The following KCNH1 variants were observed in gnomAD, a reference collection of about 807,000 sequenced individuals.
The protein encoded by KCNH1 is potassium voltage-gated channel subfamily H member 1.
In KCNH1, 27 loss-of-function variants were observed where a neutral mutation model predicts 69.2. The observed-to-expected ratio is 0.39, with a 90% confidence interval of 0.29 to 0.54. The LOEUF is 0.54. KCNH1 is among the 20% of genes least tolerant of loss of function. KCNH1 has a pLI of 0.68. For missense variants in KCNH1, 798 were observed against 1,261.6 expected, an observed-to-expected ratio of 0.63 and a Z score of 5.57; for synonymous variants, 456 against 487.7, an observed-to-expected ratio of 0.93 and a Z score of 0.86.
intron 10 of KCNH1, among the ~76,000 whole-genome samples, chr1:210,708,478 T>C (rs1403692701): frequency 6.6e-6 from 1 of 152,028 alleles, no homozygotes; most frequent in Non-Finnish European, 1.5e-5. Context: ...AAACATTAGA[T>C]CTTATATTTA....
intron 7 of KCNH1, among the ~76,000 whole-genome samples, chr1:210,896,118 T>C (rs1005329273): frequency 6.6e-6 from 1 of 152,194 alleles, no homozygotes; most frequent in African/African-American, 2.4e-5. Flanking sequence ...CTCCCCATTC[T>C]TGGATGTTAG....
intron 10 of KCNH1, among the ~76,000 whole-genome samples, chr1:210,693,916 G>A (rs1002220541): frequency 2.6e-5 from 4 of 152,196 alleles, no homozygotes; most frequent in East Asian, 3.9e-4. Flanking sequence ...CCAGATGGAA[G>A]CATGTGCAAA....
chr1:211,049,483 G>A (rs1690154203), intron 5 of KCNH1, among the ~76,000 whole-genome samples: 1 of 152,140 alleles, frequency 6.6e-6, no homozygotes, highest in East Asian at 1.9e-4. Flanking sequence ...GGGGTTTTTT[G>A]GTTTGTTGTT....
intron 6 of KCNH1, among the ~76,000 whole-genome samples, chr1:210,991,632 C>T (rs973938385): frequency 1.4e-5 from 2 of 144,906 alleles, no homozygotes; most frequent in East Asian, 2.0e-4. Flanking sequence ...CACACACACA[C>T]ATAACACATA....
intron 6 of KCNH1, among the ~76,000 whole-genome samples, chr1:211,004,577 AAAGAG>A (rs1295556065): frequency 6.6e-6 from 1 of 152,138 alleles, no homozygotes; most frequent in East Asian, 1.9e-4. Context: ...AAAGAAGATA[AAAGAG>A]GAGAGGAGAA....
At chr1:210,755,526 T>A (rs900527771) in intron 10 of KCNH1, among the ~76,000 whole-genome samples, 1 of 152,232 alleles carries the variant, frequency 6.6e-6, no homozygotes, top group East Asian at 1.9e-4. Flanking sequence ...GCAGAAGGAC[T>A]GGGAAAACTG....
chr1:211,123,163 T>C (rs1415740981), intron 1 of KCNH1, among the ~76,000 whole-genome samples: 1 of 152,096 alleles, frequency 6.6e-6, no homozygotes, highest in Non-Finnish European at 1.5e-5. Context: ...TGCCCCACTC[T>C]ACATATCACA....
At chr1:210,705,046 G>C (rs1681873714) in intron 10 of KCNH1, among the ~76,000 whole-genome samples, 1 of 152,176 alleles carries the variant, frequency 6.6e-6, no homozygotes, top group Non-Finnish European at 1.5e-5. Flanking sequence ...GGGAGAGGAA[G>C]GTAGGGAGGT....
At chr1:210,789,654 C>T (rs1484963276) in intron 9 of KCNH1, among the ~76,000 whole-genome samples, 1 of 152,150 alleles carries the variant, frequency 6.6e-6, no homozygotes, top group Non-Finnish European at 1.5e-5. Flanking sequence ...GTAGCATATA[C>T]TCTTAAAGAC....
chr1:210,810,890 T>C (rs1434206736), intron 7 of KCNH1, among the ~76,000 whole-genome samples: 2 of 152,164 alleles, frequency 1.3e-5, no homozygotes, highest in African/African-American at 4.8e-5. Flanking sequence ...AGAAAACTGA[T>C]TAAAAGCTTT....
chr1:210,942,936 A>G (rs758255270), intron 6 of KCNH1, among the ~76,000 whole-genome samples: 59 of 152,216 alleles, frequency 3.9e-4, no homozygotes, highest in Non-Finnish European at 5.9e-4. Flanking sequence ...ATTTTTGTGG[A>G]AAAGTTGTAT....
At chr1:210,893,511 C>G (rs116415972) in intron 7 of KCNH1, among the ~76,000 whole-genome samples, 1,708 of 151,794 alleles carry the variant, frequency 0.011, 40 homozygotes, top group African/African-American at 0.039. Context: ...CATGTTTCTT[C>G]TGCTTGGGGT....
chr1:210,894,442 G>A (rs1686818490), intron 7 of KCNH1, among the ~76,000 whole-genome samples: 1 of 152,068 alleles, frequency 6.6e-6, no homozygotes, highest in South Asian at 2.1e-4. Flanking sequence ...TAATCCTTTT[G>A]GGTCATTCTT....
At chr1:210,780,264 G>A (rs2102377964) in intron 9 of KCNH1, among the ~76,000 whole-genome samples, 1 of 152,230 alleles carries the variant, frequency 6.6e-6, no homozygotes, top group South Asian at 2.1e-4. Flanking sequence ...AGGTCTGGGA[G>A]ATCAGAAAAA....
chr1:211,115,942 C>A (rs1691571852), intron 1 of KCNH1, among the ~76,000 whole-genome samples: 1 of 151,832 alleles, frequency 6.6e-6, no homozygotes, highest in South Asian at 2.1e-4. Flanking sequence ...TGAGACCAGC[C>A]TGGGCACCAA....
intron 6 of KCNH1, among the ~76,000 whole-genome samples, chr1:210,921,650 A>G (rs1324823802): frequency 6.6e-6 from 1 of 152,150 alleles, no homozygotes; most frequent in Non-Finnish European, 1.5e-5. Context: ...ACGGAATGTG[A>G]GGTGAAATAT....
At chr1:210,987,009 C>A (rs1005660190) in intron 6 of KCNH1, among the ~76,000 whole-genome samples, 3 of 152,072 alleles carry the variant, frequency 2.0e-5, no homozygotes, top group African/African-American at 4.8e-5. Context: ...CTCTAAACTT[C>A]CCTTCTCACT....
chr1:210,880,444 G>T (rs535870037), intron 7 of KCNH1, among the ~76,000 whole-genome samples: 45 of 152,146 alleles, frequency 3.0e-4, no homozygotes, highest in Non-Finnish European at 5.3e-4. Context: ...TACAAATATA[G>T]TTAATTGATC....
chr1:211,069,324 A>T (rs1690591881), intron 5 of KCNH1, among the ~76,000 whole-genome samples: 1 of 132,358 alleles, frequency 7.6e-6, no homozygotes, highest in African/African-American at 2.9e-5. Context: ...TGCCCTATTT[A>T]CCTAGCACAT....
Sources: gnomAD v4.1 joint callset for allele counts (sites outside exome capture counted in the v4.1 genomes callset) on GRCh38, gnomAD v4.1.1 for gene constraint, MANE v1.5 for transcripts, NCBI Gene and HGNC (gene_info 2026-07-23, HGNC 2026-07-21) for gene names.